Variants in DTNBP1 observed in about 807,000 individuals in gnomAD.
The protein encoded by DTNBP1 is dysbindin.
A neutral mutation model predicts 42.8 loss-of-function variants in DTNBP1; 35 were observed. The ratio of observed to expected loss-of-function variants is 0.82; its 90% CI spans 0.63 to 1.09. The LOEUF is 1.09. DTNBP1 is among the 50% of genes least tolerant of loss of function. The pLI is 0.00. For missense variants in DTNBP1, 457 were observed against 424.2 expected, an observed-to-expected ratio of 1.08 and a Z score of -0.68; for synonymous variants, 171 against 162.2, an observed-to-expected ratio of 1.05 and a Z score of -0.41.
intron 7 of DTNBP1, among the ~76,000 whole-genome samples, chr6:15,535,689 A>G (rs555591201): frequency 6.6e-6 from 1 of 152,148 alleles, no homozygotes; most frequent in South Asian, 2.1e-4. Flanking sequence ...TGGGGTATTG[A>G]TATAAAGATA....
intron 7 of DTNBP1, among the ~76,000 whole-genome samples, chr6:15,576,444 T>C (rs991293949): frequency 5.3e-5 from 8 of 151,570 alleles, no homozygotes; most frequent in African/African-American, 1.9e-4. Flanking sequence ...TTAACTTCTA[T>C]TCATGTCAAG....
chr6:15,611,564 A>C (rs1758406504), intron 6 of DTNBP1, among the ~76,000 whole-genome samples: 1 of 152,228 alleles, frequency 6.6e-6, no homozygotes, highest in Non-Finnish European at 1.5e-5. Flanking sequence ...CAACGGATCT[A>C]GGTCAACTGA....
intron 9 of DTNBP1, chr6:15,523,861 G>T: frequency 7.8e-7 from 1 of 1,287,242 alleles, no homozygotes; most frequent in Non-Finnish European, 1.0e-6. Context: ...AAGTTTAGAG[G>T]AAGCTGAAAC....
chr6:15,623,879 A>G (rs545680902), intron 5 of DTNBP1, among the ~76,000 whole-genome samples: 56 of 152,334 alleles, frequency 3.7e-4, no homozygotes, highest in African/African-American at 1.3e-3. Context: ...CAGAATACTA[A>G]TATCACCACA....
intron 7 of DTNBP1, among the ~76,000 whole-genome samples, chr6:15,572,246 T>C (rs922167796): frequency 1.3e-5 from 2 of 152,220 alleles, no homozygotes; most frequent in Non-Finnish European, 2.9e-5. Context: ...GTTAGGTTAC[T>C]TGCCCAAGGA....
rs545411437 is a variant in DTNBP1, at chr6:15,609,729, C to G, written c.488+5538G>C. Among the ~76,000 whole-genome samples, 9 of 152,236 alleles carry G rather than the reference C, an allele frequency of 5.9e-5. No individual in the cohort carries two copies. In the East Asian group the frequency reaches 1.5e-3, roughly 26 times the overall value. On this transcript the variant is annotated intron_variant, in intron 6 of 9. Transcript: ENST00000344537. ...ATTTCAGTTGTTTTCATTTTGGAAG[C>G]TTTCTTAATTGAATATGATTCCTCA...
At chr6:15,531,163 C>T (rs1772795224) in intron 8 of DTNBP1, among the ~76,000 whole-genome samples, 1 of 152,208 alleles carries the variant, frequency 6.6e-6, no homozygotes, top group Non-Finnish European at 1.5e-5. Context: ...CGCCAGCATG[C>T]TGATCTTGGA....
chr6:15,607,445 G>A (rs1353284786), intron 6 of DTNBP1, among the ~76,000 whole-genome samples: 3 of 151,966 alleles, frequency 2.0e-5, no homozygotes, highest in African/African-American at 7.3e-5. Flanking sequence ...GGGATTATAG[G>A]CATGCAACAC....
intron 7 of DTNBP1, among the ~76,000 whole-genome samples, chr6:15,586,273 A>T (rs572186252): frequency 6.6e-6 from 1 of 152,270 alleles, no homozygotes; most frequent in Admixed American, 6.5e-5. Context: ...AGGTTTTTTC[A>T]AATTCAGCAA....
At chr6:15,624,630 G>A (rs1442030303) in intron 5 of DTNBP1, among the ~76,000 whole-genome samples, 2 of 152,174 alleles carry the variant, frequency 1.3e-5, no homozygotes, top group Admixed American at 6.5e-5. Context: ...GACAGGATAT[G>A]GTGTTACATT....
intron 7 of DTNBP1, among the ~76,000 whole-genome samples, chr6:15,538,032 G>A (rs1773344613): frequency 6.6e-6 from 1 of 152,144 alleles, no homozygotes; most frequent in Admixed American, 6.5e-5. Flanking sequence ...AGGGGTGCAG[G>A]GAGAATCCTG....
chr6:15,660,238 C>T (rs1761527162), intron 1 of DTNBP1: 2 of 732,136 alleles, frequency 2.7e-6, no homozygotes, highest in Admixed American at 4.9e-5. Flanking sequence ...TTCCACATTA[C>T]CAACATATAA....
At position 15,593,058 on chromosome 6, in the gene DTNBP1, C is replaced by A; in HGVS notation, c.511+1G>T. The A allele has an allele frequency of 6.3e-7, 1 of 1,586,714 alleles. No individual in the cohort carries two copies. The highest frequency in any genetic ancestry group is 1.2e-5 in the South Asian group (1 of 86,268). ...AAAGTGAAGAATTAACACAAAATTA[C>A]CTTTGAAGGTTTCAAGTTCCTTCCT... On this transcript the variant is annotated splice_donor_variant, in intron 7 of 9. Transcript: ENST00000344537. LOFTEE classifies it high-confidence loss of function.
chr6:15,566,531 C>G (rs1775093333), intron 7 of DTNBP1, among the ~76,000 whole-genome samples: 4 of 152,076 alleles, frequency 2.6e-5, no homozygotes, highest in Admixed American at 2.6e-4. Flanking sequence ...ACAGAACAAA[C>G]TCTTTGCAGC....
At chr6:15,524,458 T>C (rs1210020874) in intron 9 of DTNBP1, 68 bp downstream of exon 9, 2 of 1,613,992 alleles carry the variant, frequency 1.2e-6, no homozygotes, top group Admixed American at 1.7e-5. Flanking sequence ...GGTTCTCACG[T>C]CTCACCTTTG....
At chr6:15,657,111 C>T (rs1761328920) in intron 1 of DTNBP1, among the ~76,000 whole-genome samples, 1 of 152,142 alleles carries the variant, frequency 6.6e-6, no homozygotes, top group Non-Finnish European at 1.5e-5. Flanking sequence ...GAAATTCACA[C>T]AAAAGCTGCA....
chr6:15,625,838 T>C (rs886734276), intron 5 of DTNBP1, among the ~76,000 whole-genome samples: 14 of 152,180 alleles, frequency 9.2e-5, no homozygotes, highest in African/African-American at 2.7e-4. Context: ...TGAAAGAAAG[T>C]GGCTAAGAAG....
intron 6 of DTNBP1, among the ~76,000 whole-genome samples, chr6:15,600,992 G>T (rs1438368718): frequency 1.3e-5 from 2 of 152,156 alleles, no homozygotes; most frequent in African/African-American, 2.4e-5. Flanking sequence ...CCCAAGGAGG[G>T]TCTGCAGAAT....
At chr6:15,553,822 T>G (rs868627725) in intron 7 of DTNBP1, among the ~76,000 whole-genome samples, 2 of 152,112 alleles carry the variant, frequency 1.3e-5, no homozygotes, top group Non-Finnish European at 2.9e-5. Context: ...ATTAGATATT[T>G]GAAGCTGAAA....
Sources: gnomAD v4.1 joint callset for allele counts (sites outside exome capture counted in the v4.1 genomes callset) on GRCh38, gnomAD v4.1.1 for gene constraint, MANE v1.5 for transcripts, NCBI Gene and HGNC (gene_info 2026-07-23, HGNC 2026-07-21) for gene names.